Variants in MICU1 observed in about 807,000 individuals in gnomAD.
The protein encoded by MICU1 is mitochondrial calcium uptake 1, also known as calcium uptake protein 1, mitochondrial.
Under a neutral mutation model 56.8 loss-of-function variants are expected in MICU1, and 45 were observed. The observed-to-expected ratio is 0.79, with a 90% CI of 0.62 to 1.02. The LOEUF is 1.02. MICU1 is among the 50% of genes least tolerant of loss of function. The pLI, the probability that MICU1 is intolerant of heterozygous loss-of-function variation, is 0.00. For synonymous variants in MICU1, 186 were observed against 195.1 expected, an observed-to-expected ratio of 0.95 and a Z score of 0.39; for missense variants, 504 against 587.1, an observed-to-expected ratio of 0.86 and a Z score of 1.46.
intron 1 of MICU1, among the ~76,000 whole-genome samples, chr10:72,606,130 CAAAAAAAAAAAA>C (rs11317547): frequency 8.1e-6 from 1 of 124,148 alleles, no homozygotes; most frequent in Non-Finnish European, 1.7e-5. Flanking sequence ...GACTCCATCT[CAAAAAAAAAAAA>C]AAAGAAATTT....
At chr10:72,551,149 A>C (rs1554888461) in intron 4 of MICU1, 30 bp downstream of exon 4, 1 of 1,564,322 alleles carries the variant, frequency 6.4e-7, no homozygotes, top group Non-Finnish European at 8.7e-7. Context: ...AATAAATATC[A>C]CAGTCTTATA....
In MICU1 at chr10:72,370,797, G is replaced by A. The variant is rs370930033; in HGVS notation, c.1271-2442C>T. 5.5e-3 allele frequency among the ~76,000 whole-genome samples: 836 copies of A among 152,136 alleles called. 7 individuals carry two copies. Among genetic ancestry groups the A allele is most frequent in the African/African-American group, 0.019 (793 of 41,496 alleles). ...TGTAATCACAGCACTTTGGGAGGCCGAGGCGGGCAGATTGCTTAAGGCCCG... is the reference window on the plus strand; with the variant it reads ...TGTAATCACAGCACTTTGGGAGGCCAAGGCGGGCAGATTGCTTAAGGCCCG... On this transcript the variant is annotated intron_variant, in intron 11 of 11. Transcript: ENST00000361114.
intron 10 of MICU1, among the ~76,000 whole-genome samples, chr10:72,390,856 C>T (rs1279315080): frequency 6.6e-6 from 1 of 152,254 alleles, no homozygotes; most frequent in Non-Finnish European, 1.5e-5. Flanking sequence ...CTACACTTAT[C>T]TTTCTCCCCC....
intron 10 of MICU1, among the ~76,000 whole-genome samples, chr10:72,389,264 A>G (rs1372954430): frequency 6.6e-6 from 1 of 152,232 alleles, no homozygotes; most frequent in Non-Finnish European, 1.5e-5. Flanking sequence ...GTTAGAGCCT[A>G]AATGACAAAA....
At chr10:72,498,239 T>A (rs945089405) in intron 6 of MICU1, among the ~76,000 whole-genome samples, 2 of 152,202 alleles carry the variant, frequency 1.3e-5, no homozygotes, top group African/African-American at 4.8e-5. Context: ...TTTTGAAGTT[T>A]TACTTTTCCT....
chr10:72,611,724 A>G (rs1190564431), intron 1 of MICU1, among the ~76,000 whole-genome samples: 1 of 152,194 alleles, frequency 6.6e-6, no homozygotes, highest in East Asian at 1.9e-4. Context: ...AACAGACTAA[A>G]GGAGTAATAT....
chr10:72,618,044 T>TC (rs1842022646), intron 1 of MICU1, among the ~76,000 whole-genome samples: 1 of 151,356 alleles, frequency 6.6e-6, no homozygotes, highest in Admixed American at 6.6e-5. Context: ...CGCATGCCTG[T>TC]AAATCCCAGC....
chr10:72,508,368 C>T, intron 5 of MICU1, 99 bp from the exon 6 acceptor site: 1 of 478,190 alleles, frequency 2.1e-6, no homozygotes. Flanking sequence ...CAGTTTTATG[C>T]TATTTATCAT....
chr10:72,418,371 T>C (rs1864052362), intron 9 of MICU1, among the ~76,000 whole-genome samples: 1 of 152,180 alleles, frequency 6.6e-6, no homozygotes. Context: ...TAAAAATTCC[T>C]CAAGTGATCC....
intron 5 of MICU1, among the ~76,000 whole-genome samples, chr10:72,525,015 C>T (rs999584082): frequency 6.6e-6 from 1 of 152,078 alleles, no homozygotes; most frequent in African/African-American, 2.4e-5. Context: ...CTTTGCCACT[C>T]ATATTAATAT....
At chr10:72,454,758 G>C (rs1197214526) in intron 8 of MICU1, among the ~76,000 whole-genome samples, 1 of 148,290 alleles carries the variant, frequency 6.7e-6, no homozygotes, top group Non-Finnish European at 1.5e-5. Context: ...ACTCCAGCCT[G>C]GGTGACAGAG....
chr10:72,419,212 G>A (rs1248466029), intron 9 of MICU1, among the ~76,000 whole-genome samples: 1 of 152,112 alleles, frequency 6.6e-6, no homozygotes, highest in East Asian at 1.9e-4. Flanking sequence ...CTAAATAAAC[G>A]AGCATGTCTG....
intron 6 of MICU1, chr10:72,477,633 C>T (rs996649840): frequency 3.3e-5 from 40 of 1,206,640 alleles, no homozygotes; most frequent in Non-Finnish European, 4.5e-5. Context: ...TAGGGTGAGA[C>T]ATATTGCTGC....
Position 72,508,274 on chromosome 10 carries a change from A to G in MICU1, c.538-5T>C. 2 of 1,410,666 alleles carry G rather than the reference A, an allele frequency of 1.4e-6. No homozygotes were observed. Among genetic ancestry groups the G allele is most frequent in the Non-Finnish European group, 1.9e-6 (2 of 1,029,184 alleles). 87.4% of individuals were successfully genotyped at this position (1,410,666 alleles called of 1,614,324 possible). A position where few individuals can be genotyped will look rare whatever the true frequency, so the allele number is the denominator to read the frequency against. On this transcript the variant is annotated splice_polypyrimidine_tract_variant and splice_region_variant and intron_variant, in intron 5 of 11. Transcript: ENST00000361114. ...TTCTCGTTCCTGGGAAATTTTCTATAGAATGTATGGGTCCCACCAAAAGAC... is the reference window on the plus strand; with the variant it reads ...TTCTCGTTCCTGGGAAATTTTCTATGGAATGTATGGGTCCCACCAAAAGAC...
intron 4 of MICU1, among the ~76,000 whole-genome samples, chr10:72,540,888 T>G (rs919140534): frequency 2.1e-4 from 32 of 152,160 alleles, no homozygotes; most frequent in African/African-American, 7.5e-4. Flanking sequence ...ATAAGAAAAA[T>G]ATATCCTGGA....
intron 6 of MICU1, chr10:72,477,479 C>G: frequency 6.6e-7 from 1 of 1,517,684 alleles, no homozygotes; most frequent in Non-Finnish European, 8.8e-7. Flanking sequence ...CCAGTAAAGA[C>G]AGCACTTGTC....
At chr10:72,434,534 G>C (rs1160339851) in intron 8 of MICU1, among the ~76,000 whole-genome samples, 1 of 152,004 alleles carries the variant, frequency 6.6e-6, no homozygotes, top group African/African-American at 2.4e-5. Flanking sequence ...CCCTAGTCTT[G>C]TGTTACATAC....
At chr10:72,563,743 T>C (rs1589345124) in intron 2 of MICU1, among the ~76,000 whole-genome samples, 1 of 152,182 alleles carries the variant, frequency 6.6e-6, no homozygotes, top group African/African-American at 2.4e-5. Flanking sequence ...CGTCTTCCCA[T>C]TGAAACCAGA....
At chr10:72,376,695 T>C (rs2132038652) in intron 10 of MICU1, among the ~76,000 whole-genome samples, 1 of 151,742 alleles carries the variant, frequency 6.6e-6, no homozygotes, top group East Asian at 1.9e-4. Flanking sequence ...AGATTAGAGG[T>C]TATTGTGGGC....
Sources: allele counts gnomAD v4.1 joint callset (sites outside exome capture counted in the v4.1 genomes callset), GRCh38; gene constraint gnomAD v4.1.1; transcripts MANE v1.5; gene names NCBI Gene and HGNC (gene_info 2026-07-23, HGNC 2026-07-21).